Variants in DLGAP2 observed in about 807,000 individuals in gnomAD.
The protein encoded by DLGAP2 is DLG associated protein 2, also known as disks large-associated protein 2.
A neutral mutation model predicts 100.3 loss-of-function variants in DLGAP2; 26 were observed. The observed-to-expected ratio is 0.26, with a 90% CI of 0.19 to 0.36. The LOEUF is 0.36. Ranked by LOEUF, DLGAP2 falls within the 10% of genes least tolerant of loss-of-function variation. The pLI is 1.00. For synonymous variants in DLGAP2, 886 were observed against 630.1 expected (o/e 1.41, Z -6.08); for missense variants, 1,858 against 1,453.2 (o/e 1.28, Z -4.53).
In DLGAP2 at chr8:1,187,516, G is replaced by C. The variant is rs542231954; in HGVS notation, c.74-71335G>C. On this transcript the variant is annotated intron_variant, in intron 2 of 14. Transcript: ENST00000637795. ...CACACCCGGGACCTCCGTGACGTTT[G>C]CTTCACGGAATCTCACACACCCGGG... Among the ~76,000 whole-genome samples, 118 of 112,120 alleles carry C rather than the reference G, an allele frequency of 1.1e-3. 5 individuals carry two copies. The Middle Eastern group carries it at 0.022, about 21-fold the overall frequency. 73.6% of individuals were successfully genotyped at this position (112,120 alleles called of 152,430 possible).
At chr8:1,114,871 C>T (rs1339234117) in intron 2 of DLGAP2, among the ~76,000 whole-genome samples, 1 of 152,184 alleles carries the variant, frequency 6.6e-6, no homozygotes, top group African/African-American at 2.4e-5. Context: ...TTAGCTGTGT[C>T]CCAGAGATTC....
intron 6 of DLGAP2, 102 bp downstream of exon 6, chr8:1,565,996 A>T: frequency 9.9e-7 from 1 of 1,005,588 alleles, no homozygotes; most frequent in Non-Finnish European, 1.4e-6. Flanking sequence ...ATCCATTTAA[A>T]CTAAATTGCC....
intron 3 of DLGAP2, among the ~76,000 whole-genome samples, chr8:1,480,743 A>G (rs1799067992): frequency 6.6e-6 from 1 of 151,790 alleles, no homozygotes; most frequent in African/African-American, 2.4e-5. Flanking sequence ...GTGTATGCCT[A>G]TAATCCCAGC....
At chr8:1,341,596 T>A (rs557033415) in intron 3 of DLGAP2, among the ~76,000 whole-genome samples, 46 of 152,308 alleles carry the variant, frequency 3.0e-4, no homozygotes, top group Middle Eastern at 3.4e-3. Flanking sequence ...GTACAAAAGT[T>A]AGTTCTGTGT....
chr8:1,305,690 A>G (rs1041507954), intron 3 of DLGAP2, among the ~76,000 whole-genome samples: 1 of 152,210 alleles, frequency 6.6e-6, no homozygotes, highest in Non-Finnish European at 1.5e-5. Context: ...ACCTGCTGGG[A>G]CAAAAATTAC....
chr8:1,137,984 G>A (rs529662512), intron 2 of DLGAP2, among the ~76,000 whole-genome samples: 4 of 151,958 alleles, frequency 2.6e-5, no homozygotes, highest in Admixed American at 1.3e-4. Context: ...CAATCCACCC[G>A]CCTCAGCCTC....
chr8:1,338,910 G>T (rs1482014733), intron 3 of DLGAP2, among the ~76,000 whole-genome samples: 2 of 145,554 alleles, frequency 1.4e-5, no homozygotes, highest in Non-Finnish European at 3.0e-5. Context: ...TCAGTGAGGC[G>T]TCAGGACCTG....
At chr8:1,261,470 C>T (rs907451521) in intron 3 of DLGAP2, among the ~76,000 whole-genome samples, 11 of 150,234 alleles carry the variant, frequency 7.3e-5, no homozygotes, top group Admixed American at 6.0e-4. Context: ...ATCTTTAAAA[C>T]GAGACAGACT....
chr8:1,652,803 C>CAAA lies in DLGAP2; in HGVS notation c.1811-15526_1811-15525insAAA, dbSNP rs1421276253. 4.6e-3 allele frequency among the ~76,000 whole-genome samples: 693 copies of CAAA among 152,280 alleles called. 7 individuals carry two copies. Among genetic ancestry groups the CAAA allele is most frequent in the African/African-American group, 0.015 (643 of 41,552 alleles). ...GCGAGACAGACAGTAATGAGACCAG[C>CAAA]TGGCGAACCAAAATGTTATGAGCAG... On this transcript the variant is annotated intron_variant, in intron 8 of 14. Transcript: ENST00000637795.
intron 2 of DLGAP2, among the ~76,000 whole-genome samples, chr8:928,384 T>C (rs866929550): frequency 5.3e-5 from 8 of 152,256 alleles, no homozygotes; most frequent in Middle Eastern, 3.4e-3. Flanking sequence ...AGGTCGAGAA[T>C]GTGTTCAGTA....
intron 2 of DLGAP2, among the ~76,000 whole-genome samples, chr8:1,201,266 C>T (rs1468158374): frequency 6.6e-6 from 1 of 152,212 alleles, no homozygotes; most frequent in Non-Finnish European, 1.5e-5. Flanking sequence ...CAGGTCCCAA[C>T]CACAGAGCCG....
intron 1 of DLGAP2, among the ~76,000 whole-genome samples, chr8:778,990 G>A (rs374023349): frequency 2.0e-5 from 3 of 152,362 alleles, no homozygotes; most frequent in Middle Eastern, 3.4e-3. Context: ...AGCAATCAGC[G>A]AGACTCCGTG....
chr8:1,418,226 C>T (rs942171954), intron 3 of DLGAP2, among the ~76,000 whole-genome samples: 2 of 152,218 alleles, frequency 1.3e-5, no homozygotes, highest in African/African-American at 4.8e-5. Flanking sequence ...GTCTCTACTA[C>T]TGAACATTTA....
At chr8:1,290,343 G>A (rs953384186) in intron 3 of DLGAP2, among the ~76,000 whole-genome samples, 39 of 152,154 alleles carry the variant, frequency 2.6e-4, no homozygotes, top group African/African-American at 3.9e-4. Flanking sequence ...TGCATATGAT[G>A]GTCCCGCTTT....
At chr8:1,553,637 G>C (rs1203477813) in intron 5 of DLGAP2, among the ~76,000 whole-genome samples, 1 of 152,194 alleles carries the variant, frequency 6.6e-6, no homozygotes, top group African/African-American at 2.4e-5. Flanking sequence ...TGCGTGTAAA[G>C]TGTTTCAGAA....
intron 3 of DLGAP2, among the ~76,000 whole-genome samples, chr8:1,389,258 C>CG (rs202076616): frequency 7.2e-6 from 1 of 139,704 alleles, no homozygotes; most frequent in Admixed American, 6.8e-5. Context: ...TGGAAGGCGA[C>CG]GTGGCTTCCT....
intron 14 of DLGAP2, among the ~76,000 whole-genome samples, chr8:1,698,982 T>C (rs1480641182): frequency 6.6e-6 from 1 of 151,958 alleles, no homozygotes; most frequent in Non-Finnish European, 1.5e-5. Context: ...TGCATGGGAC[T>C]AGGCAGGTCC....
At chr8:743,588 C>T (rs892671907) in intron 1 of DLGAP2, among the ~76,000 whole-genome samples, 12 of 152,142 alleles carry the variant, frequency 7.9e-5, no homozygotes, top group East Asian at 1.9e-4. Flanking sequence ...TATTTAGAGA[C>T]GGTCTCACTC....
intron 2 of DLGAP2, among the ~76,000 whole-genome samples, chr8:963,624 A>G (rs1799778838): frequency 6.6e-6 from 1 of 152,238 alleles, no homozygotes; most frequent in African/African-American, 2.4e-5. Context: ...CAAAAAGGAA[A>G]TTGAGACAGT....
Sources: gnomAD v4.1 joint callset for allele counts (sites outside exome capture counted in the v4.1 genomes callset) on GRCh38, gnomAD v4.1.1 for gene constraint, MANE v1.5 for transcripts, NCBI Gene and HGNC (gene_info 2026-07-23, HGNC 2026-07-21) for gene names.